Variants in AKT3 observed in about 807,000 individuals in gnomAD.
AKT3 encodes AKT serine/threonine kinase 3, also known as RAC-gamma serine/threonine-protein kinase.
In AKT3, 15 loss-of-function variants were observed where a neutral mutation model predicts 65.3. The observed-to-expected ratio is 0.23, with a 90% CI of 0.15 to 0.35. The LOEUF (loss-of-function observed/expected upper bound fraction) is 0.35. Among genes scored for constraint, AKT3 ranks in the 10% least tolerant of loss-of-function variants. The probability of loss-of-function intolerance (pLI) is 1.00; values close to 1 mark genes in which losing one functional copy is unlikely to be tolerated. For missense variants in AKT3, 243 were observed against 576.5 expected (o/e 0.42, Z 5.92); for synonymous variants, 206 against 183.8 (o/e 1.12, Z -0.98).
intron 1 of AKT3, among the ~76,000 whole-genome samples, chr1:243,849,502 C>A (rs1695664912): frequency 6.6e-6 from 1 of 151,666 alleles, no homozygotes. Context: ...CCCCACCCCA[C>A]GCGCAGACAG....
intron 12 of AKT3, among the ~76,000 whole-genome samples, chr1:243,521,706 G>A (rs774907375): frequency 4.6e-4 from 70 of 152,102 alleles, no homozygotes; most frequent in East Asian, 1.3e-3. Flanking sequence ...CTATTGTATC[G>A]TAATATTAGA....
At chr1:243,674,372 C>A (rs117277940) in intron 3 of AKT3, among the ~76,000 whole-genome samples, 1 of 151,858 alleles carries the variant, frequency 6.6e-6, no homozygotes. Flanking sequence ...TTACTAAGAG[C>A]TGGTCAACCA....
At chr1:243,630,819 C>T (rs562767478) in intron 6 of AKT3, among the ~76,000 whole-genome samples, 49 of 151,190 alleles carry the variant, frequency 3.2e-4, no homozygotes, top group Non-Finnish European at 2.1e-4. Flanking sequence ...AAAAACTGAA[C>T]GCCAATTTGG....
chr1:243,795,449 G>GTTTTGT lies in AKT3; in HGVS notation c.46+47675_46+47676insACAAAA, dbSNP rs1691898953. Among the ~76,000 whole-genome samples the GTTTTGT allele has an allele frequency of 1.1e-3, 103 of 93,476 alleles. 1 individual carries two copies. Among genetic ancestry groups the GTTTTGT allele is most frequent in the Middle Eastern group, 6.1e-3 (1 of 164 alleles). 61.3% of individuals were successfully genotyped at this position (93,476 alleles called of 152,430 possible). On this transcript the variant is annotated intron_variant, in intron 2 of 13. Transcript: ENST00000673466. ...GGCGTAGGTTTCCCTTGATCTCCTT[G>GTTTTGT]TTTTTTTTTTTTGTTTTTTTTTTTT...
At chr1:243,652,475 T>C (rs1681427188) in intron 4 of AKT3, among the ~76,000 whole-genome samples, 1 of 152,070 alleles carries the variant, frequency 6.6e-6, no homozygotes, top group African/African-American at 2.4e-5. Flanking sequence ...GAACAACTGA[T>C]ACCAGCCACT....
chr1:243,775,651 T>C (rs930898151), intron 2 of AKT3, among the ~76,000 whole-genome samples: 2 of 152,228 alleles, frequency 1.3e-5, no homozygotes, highest in African/African-American at 4.8e-5. Context: ...GCTAACAAAA[T>C]CAGTCCTGGA....
chr1:243,809,009 C>T (rs1483012548), intron 2 of AKT3, among the ~76,000 whole-genome samples: 1 of 152,094 alleles, frequency 6.6e-6, no homozygotes, highest in African/African-American at 2.4e-5. Context: ...CCAGGTCTGC[C>T]CTAAAAGAGC....
chr1:243,643,957 T>C (rs1680624663), intron 5 of AKT3, among the ~76,000 whole-genome samples: 1 of 152,206 alleles, frequency 6.6e-6, no homozygotes, highest in Non-Finnish European at 1.5e-5. Flanking sequence ...ATTTTACCAC[T>C]TGAGGCTAAG....
intron 13 of AKT3, chr1:243,488,880 TG>T: frequency 7.9e-7 from 1 of 1,259,060 alleles, no homozygotes; most frequent in Non-Finnish European, 1.1e-6. Context: ...AGCCAGAGCC[TG>T]GCACCTCAGG....
intron 2 of AKT3, among the ~76,000 whole-genome samples, chr1:243,769,501 T>C (rs1472764812): frequency 1.3e-5 from 2 of 152,196 alleles, no homozygotes; most frequent in East Asian, 1.9e-4. Flanking sequence ...AATAGGTGAG[T>C]TGATATCTCA....
intron 2 of AKT3, among the ~76,000 whole-genome samples, chr1:243,841,363 C>A (rs1200859933): frequency 6.6e-6 from 1 of 152,062 alleles, no homozygotes; most frequent in African/African-American, 2.4e-5. Flanking sequence ...ACCCTCAAAA[C>A]CATCTTGTGA....
intron 2 of AKT3, among the ~76,000 whole-genome samples, chr1:243,758,406 G>C (rs1168489405): frequency 1.3e-5 from 2 of 152,186 alleles, no homozygotes; most frequent in African/African-American, 4.8e-5. Flanking sequence ...TCTTGACATA[G>C]GGAATAGCAA....
intron 2 of AKT3, among the ~76,000 whole-genome samples, chr1:243,833,668 C>T (rs1558856578): frequency 6.6e-6 from 1 of 151,896 alleles, no homozygotes; most frequent in Non-Finnish European, 1.5e-5. Context: ...CATCAGAAAC[C>T]ATGGCAGCCA....
In AKT3 at chr1:243,672,208, C is replaced by T. The variant is rs79454844; in HGVS notation, c.173-7325G>A. 9.4e-3 allele frequency among the ~76,000 whole-genome samples: 1,429 copies of T among 152,094 alleles called. 21 individuals are homozygous for T. The highest frequency in any genetic ancestry group is 0.032 in the African/African-American group (1,316 of 41,472). The stretch of plus-strand genomic sequence containing the variant: ...ATCTCGTTTCTCCAGGTAGGAGTAA[C>T]GGGAGGCGGTTTAGAATGAGAAGCT... On this transcript the variant is annotated intron_variant, in intron 3 of 13. Coordinates refer to ENST00000673466, the MANE Select transcript of AKT3 (RefSeq NM_005465.7).
At chr1:243,696,805 C>G (rs1055346732) in intron 2 of AKT3, among the ~76,000 whole-genome samples, 1 of 151,946 alleles carries the variant, frequency 6.6e-6, no homozygotes, top group South Asian at 2.1e-4. Context: ...TGTTTTTCCC[C>G]ACTCTACACA....
At chr1:243,677,950 T>C (rs1414060862) in intron 3 of AKT3, among the ~76,000 whole-genome samples, 1 of 151,794 alleles carries the variant, frequency 6.6e-6, no homozygotes, top group East Asian at 1.9e-4. Flanking sequence ...TAGCTGGGCG[T>C]GGTGGCGGGT....
rs764369815 is a variant in AKT3 at position 243,512,477 on chromosome 1, A to G, written c.1252-51T>C. Reference sequence around the variant, plus strand: ...TATTAACTGATTTCAATTCAGGAAAATTCCTTTCTAGGAAAAAAGCAGAGA... The same window carrying G: ...TATTAACTGATTTCAATTCAGGAAAGTTCCTTTCTAGGAAAAAAGCAGAGA... On this transcript the variant is annotated intron_variant, in intron 12 of 13. Coordinates refer to ENST00000673466, the MANE Select transcript of AKT3 (RefSeq NM_005465.7). The G allele has an allele frequency of 1.6e-5, 19 of 1,170,476 alleles. No individual in the cohort carries two copies. The South Asian group carries it at 2.3e-4, about 14-fold the overall frequency. The allele number at this position is 1,170,476 out of a possible 1,614,324, so 72.5% of individuals were successfully genotyped here.
chr1:243,585,034 T>A (rs749437631), intron 8 of AKT3, among the ~76,000 whole-genome samples: 24 of 152,170 alleles, frequency 1.6e-4, no homozygotes, highest in Non-Finnish European at 2.8e-4. Context: ...TTAGAACTGA[T>A]AAATGATTTT....
intron 2 of AKT3, among the ~76,000 whole-genome samples, chr1:243,701,571 A>G (rs1685462328): frequency 6.6e-6 from 1 of 151,964 alleles, no homozygotes. Context: ...AAATCCCATA[A>G]AATTCATTTG....
Sources: gnomAD v4.1 joint callset for allele counts (sites outside exome capture counted in the v4.1 genomes callset) on GRCh38, gnomAD v4.1.1 for gene constraint, MANE v1.5 for transcripts, NCBI Gene and HGNC (gene_info 2026-07-23, HGNC 2026-07-21) for gene names.